The following RBM27 variants were observed in gnomAD, a reference collection of about 807,000 sequenced individuals.
RBM27 encodes RNA binding motif protein 27.
Under a neutral mutation model 135.3 loss-of-function variants are expected in RBM27, and 22 were observed. The ratio of observed to expected loss-of-function variants is 0.16; its 90% CI spans 0.12 to 0.23. RBM27 has a LOEUF of 0.23. Among genes scored for constraint, RBM27 ranks in the 10% least tolerant of loss-of-function variants. RBM27 has a pLI of 1.00. For synonymous variants in RBM27, 481 were observed against 442.4 expected, an observed-to-expected ratio of 1.09 and a Z score of -1.10; for missense variants, 1,009 against 1,281.0, an observed-to-expected ratio of 0.79 and a Z score of 3.24.
intron 1 of RBM27, among the ~76,000 whole-genome samples, chr5:146,209,873 A>G (rs905956648): frequency 1.3e-5 from 2 of 152,188 alleles, no homozygotes; most frequent in Non-Finnish European, 2.9e-5. Context: ...GTTTTAGTCT[A>G]CTAACTTAAG....
chr5:146,241,687 G>A (rs1757414896), intron 8 of RBM27, among the ~76,000 whole-genome samples: 1 of 151,502 alleles, frequency 6.6e-6, no homozygotes, highest in Non-Finnish European at 1.5e-5. Context: ...TCAAACTCTT[G>A]GCCTCAAGTT....
intron 2 of RBM27, among the ~76,000 whole-genome samples, chr5:146,222,481 C>T (rs1756500067): frequency 6.6e-6 from 1 of 151,866 alleles, no homozygotes; most frequent in African/African-American, 2.4e-5. Flanking sequence ...GTCAGGTGTT[C>T]AAGACCAGCT....
intron 2 of RBM27, among the ~76,000 whole-genome samples, chr5:146,222,173 C>T (rs944251128): frequency 6.6e-6 from 1 of 152,076 alleles, no homozygotes; most frequent in South Asian, 2.1e-4. Flanking sequence ...TGAGAGCTAA[C>T]AGTTTTATAA....
intron 19 of RBM27, among the ~76,000 whole-genome samples, chr5:146,279,401 C>T (rs1334394405): frequency 6.0e-5 from 9 of 151,218 alleles, no homozygotes; most frequent in East Asian, 3.9e-4. Flanking sequence ...GAGCCGAGAT[C>T]GCGCCACTGC....
rs200910435 is a variant in RBM27 at position 146,203,789 on chromosome 5, C to T, written c.24C>T (p.Ala8=). 5.0e-4 allele frequency: 772 copies of T among 1,550,836 alleles called. 5 individuals are homozygous for T. Among genetic ancestry groups the T allele is most frequent in the Non-Finnish European group, 3.1e-4 (361 of 1,146,706 alleles). Residue 8 remains alanine (A), a synonymous_variant, in exon 1 of 21, where the codon GCC becomes GCT. Transcript: ENST00000265271. The stretch of plus-strand genomic sequence containing the variant: ...CCATGCTCATAGAGGATGTGGATGC[C>T]CTCAAGTCCTGGCTGGCCAAGTTAC... MLIEDVD[A]LKSWLAKLLE... is the part of the protein sequence containing the mutation.
intron 2 of RBM27, among the ~76,000 whole-genome samples, chr5:146,221,004 TC>T (rs1756440213): frequency 6.6e-6 from 1 of 151,822 alleles, no homozygotes; most frequent in Admixed American, 6.6e-5. Flanking sequence ...GATCATGAGG[TC>T]AGGAGATTGA....
intron 10 of RBM27, among the ~76,000 whole-genome samples, chr5:146,256,209 G>A (rs1245231135): frequency 6.7e-6 from 1 of 148,908 alleles, no homozygotes; most frequent in Non-Finnish European, 1.5e-5. Context: ...CTTTTTTCCT[G>A]CTGTTAATAA....
intron 8 of RBM27, among the ~76,000 whole-genome samples, chr5:146,246,862 T>TG (rs1441580691): frequency 6.6e-6 from 1 of 150,868 alleles, no homozygotes; most frequent in African/African-American, 2.4e-5. Context: ...TTTAGTGCTG[T>TG]GGTTTTTTTT....
At chr5:146,204,139 A>C (rs1038933121) in intron 1 of RBM27, among the ~76,000 whole-genome samples, 3 of 152,170 alleles carry the variant, frequency 2.0e-5, no homozygotes, top group African/African-American at 7.2e-5. Flanking sequence ...GCTGTTTGAG[A>C]ACTGAGAGAG....
At chr5:146,234,260 T>C (rs1376434759) in intron 7 of RBM27, among the ~76,000 whole-genome samples, 2 of 152,180 alleles carry the variant, frequency 1.3e-5, no homozygotes, top group African/African-American at 2.4e-5. Context: ...TTCAAGAATA[T>C]TGAAATAATA....
intron 10 of RBM27, among the ~76,000 whole-genome samples, chr5:146,256,752 C>G (rs1170279805): frequency 6.6e-6 from 1 of 152,096 alleles, no homozygotes; most frequent in African/African-American, 2.4e-5. Context: ...CCCAAAGTCA[C>G]ACAGCTGTTA....
At chr5:146,210,241 A>G (rs560539388) in intron 1 of RBM27, among the ~76,000 whole-genome samples, 3 of 152,204 alleles carry the variant, frequency 2.0e-5, no homozygotes, top group Non-Finnish European at 4.4e-5. Flanking sequence ...TATACAGGTA[A>G]TTGACAATTA....
chr5:146,212,554 A>G (rs755575944), intron 1 of RBM27, among the ~76,000 whole-genome samples: 2 of 150,740 alleles, frequency 1.3e-5, no homozygotes, highest in East Asian at 2.0e-4. Context: ...AGGTCTCACT[A>G]TGTTGCCCAG....
intron 19 of RBM27, among the ~76,000 whole-genome samples, chr5:146,274,573 C>T (rs775686265): frequency 3.9e-5 from 6 of 152,088 alleles, no homozygotes; most frequent in Non-Finnish European, 8.8e-5. Flanking sequence ...CCGGCCCACA[C>T]ATACTACTTT....
intron 10 of RBM27, 105 bp downstream of exon 10, chr5:146,255,197 T>C: frequency 2.0e-6 from 2 of 980,536 alleles, no homozygotes; most frequent in Non-Finnish European, 2.9e-6. Context: ...AAGGTCCAAA[T>C]TACTTATATA....
chr5:146,203,796 T>G lies in RBM27; in HGVS notation c.31T>G (p.Ser11Ala). The part of the protein sequence containing the change: MLIEDVDALK[S>A]WLAKLLEPIC... ...CATAGAGGATGTGGATGCCCTCAAG[T>G]CCTGGCTGGCCAAGTTACTGGAGCC... Residue 11 changes from serine (S) to alanine (A), a missense_variant, in exon 1 of 21, where the codon TCC becomes GCC. By Grantham distance (99) the Ser-to-Ala change is moderately conservative. This residue lies in a region of RBM27 where 268 missense variants were observed against 326.6 expected (regional missense o/e 0.82). Coordinates refer to ENST00000265271, the MANE Select transcript of RBM27 (RefSeq NM_018989.2). The G allele has an allele frequency of 6.5e-7, 1 of 1,546,796 alleles. No individual in the cohort carries two copies. Among genetic ancestry groups the G allele is most frequent in the Non-Finnish European group, 8.7e-7 (1 of 1,144,770 alleles).
At chr5:146,224,616 A>C (rs1056039640) in intron 3 of RBM27, among the ~76,000 whole-genome samples, 1 of 152,014 alleles carries the variant, frequency 6.6e-6, no homozygotes, top group African/African-American at 2.4e-5. Context: ...CGGGCAGTGG[A>C]GGTTGCAGTG....
chr5:146,234,631 G>T lies in RBM27; in HGVS notation c.1144+888G>T, dbSNP rs146852822. The stretch of plus-strand genomic sequence containing the variant: ...AACAGTTGCCAATATAGTAGAAATA[G>T]AAGTAAGACTAAATTTTTAAAAAGT... On this transcript the variant is annotated intron_variant, in intron 7 of 20. Transcript: ENST00000265271. Among the ~76,000 whole-genome samples the T allele has an allele frequency of 8.3e-3, 1,262 of 152,168 alleles. 15 individuals are homozygous for T. The highest frequency in any genetic ancestry group is 0.029 in the African/African-American group (1,201 of 41,496).
In RBM27 at chr5:146,251,695, A is replaced by G. The variant is rs1232724855; in HGVS notation, c.1280-16A>G. The G allele has an allele frequency of 3.8e-6, 6 of 1,593,556 alleles. No homozygotes were observed. The highest frequency in any genetic ancestry group is 1.1e-5 in the South Asian group (1 of 90,544). On this transcript the variant is annotated splice_polypyrimidine_tract_variant and intron_variant, in intron 8 of 20. Transcript: ENST00000265271. ...GACTCTCATTCCCAGCTGCCCTCCTATTCTTTCCTCTATAGGACAGCCCAT... is the reference window on the plus strand; with the variant it reads ...GACTCTCATTCCCAGCTGCCCTCCTGTTCTTTCCTCTATAGGACAGCCCAT...
Sources: allele counts gnomAD v4.1 joint callset (sites outside exome capture counted in the v4.1 genomes callset), GRCh38; gene constraint gnomAD v4.1.1; regional missense constraint gnomAD v4.1.1; transcripts MANE v1.5; gene names NCBI Gene and HGNC (gene_info 2026-07-23, HGNC 2026-07-21).